Variants in TNN observed in about 807,000 individuals in gnomAD.
The protein encoded by TNN is tenascin N, also known as tenascin-N.
In TNN, 122 loss-of-function variants were observed where a neutral mutation model predicts 134.4. The ratio of observed to expected loss-of-function variants is 0.91; its 90% CI spans 0.78 to 1.06. The LOEUF is 1.06. Among genes scored for constraint, TNN ranks in the 50% least tolerant of loss-of-function variants. The probability of loss-of-function intolerance (pLI) is 0.00; values close to 1 mark genes in which losing one functional copy is unlikely to be tolerated. For synonymous variants in TNN, 710 were observed against 670.3 expected (o/e 1.06, Z -0.91); for missense variants, 1,739 against 1,699.4 (o/e 1.02, Z -0.41).
At chr1:175,121,325 C>T (rs1032909288) in intron 11 of TNN, among the ~76,000 whole-genome samples, 3 of 152,160 alleles carry the variant, frequency 2.0e-5, no homozygotes, top group Admixed American at 1.3e-4. Flanking sequence ...TGATGTCCCC[C>T]AGCTGGAATA....
At chr1:175,125,749 CTT>C (rs1558369435) in intron 12 of TNN, among the ~76,000 whole-genome samples, 15 of 134,206 alleles carry the variant, frequency 1.1e-4, no homozygotes, top group Middle Eastern at 3.8e-3. Context: ...TTCTTTCTTT[CTT>C]TCTTTCTCTC....
Position 175,097,731 on chromosome 1 carries a change from T to A in TNN, c.1855+48T>A, listed in dbSNP as rs1226005386. ...TTGGAATTGAGTTTTAGCTTGTGGA[T>A]TTGAATAGGTATGGTATCAAAGGAT... On this transcript the variant is annotated intron_variant, in intron 8 of 18. Coordinates refer to ENST00000239462, the MANE Select transcript of TNN (RefSeq NM_022093.2). The A allele has an allele frequency of 4.3e-6, 7 of 1,610,864 alleles. No individual in the cohort carries two copies. The East Asian group carries it at 1.6e-4, about 36-fold the overall frequency.
chr1:175,135,478 C>A (rs1675777153), intron 15 of TNN, among the ~76,000 whole-genome samples: 3 of 152,092 alleles, frequency 2.0e-5, no homozygotes, highest in African/African-American at 7.2e-5. Context: ...CATGATGTGC[C>A]CCAATTGAGT....
chr1:175,127,886 G>C, intron 13 of TNN, 146 bp from the exon 14 acceptor site: 1 of 884,914 alleles, frequency 1.1e-6, no homozygotes, highest in Non-Finnish European at 1.8e-6. Context: ...CTGCGATTCT[G>C]GGCTGCCACT....
In TNN at chr1:175,067,862, AC is replaced by A. The variant is rs1299898571; in HGVS notation, c.-107del. The stretch of plus-strand genomic sequence containing the variant: ...CGAGAACCAGGGACGACCAGCAAGT[AC>A]CAAGGTCTGCGGCAGGAGGAGACCG... On this transcript the variant is annotated 5_prime_UTR_variant, in exon 1 of 19. Coordinates refer to ENST00000239462, the MANE Select transcript of TNN (RefSeq NM_022093.2). The A allele has an allele frequency of 2.0e-6, 1 of 501,902 alleles. No homozygotes were observed. Among genetic ancestry groups the A allele is most frequent in the Non-Finnish European group, 4.0e-6 (1 of 251,904 alleles). The allele number at this position is 501,902 out of a possible 1,614,324, so 31.1% of individuals were successfully genotyped here.
rs1675309037 is a variant in TNN at position 175,120,041 on chromosome 1, G to C, written c.2650+1217G>C. Among the ~76,000 whole-genome samples the C allele has an allele frequency of 3.3e-5, 5 of 152,160 alleles. No homozygotes were observed. In the South Asian group the frequency reaches 1.0e-3, roughly 32 times the overall value. ...CCAATATAAAATTCTTAAAACCACTGATTAAAAACCTGTTTTGTGGCAAGC... is the reference window on the plus strand; with the variant it reads ...CCAATATAAAATTCTTAAAACCACTCATTAAAAACCTGTTTTGTGGCAAGC... On this transcript the variant is annotated intron_variant, in intron 11 of 18. Coordinates refer to ENST00000239462, the MANE Select transcript of TNN (RefSeq NM_022093.2).
In TNN at chr1:175,098,471, G is replaced by A. The variant is rs146666035; in HGVS notation, c.1995G>A (p.Pro665=). The A allele has an allele frequency of 1.7e-5, 27 of 1,614,080 alleles. No individual in the cohort carries two copies. Among genetic ancestry groups the A allele is most frequent in the Non-Finnish European group, 2.1e-5 (25 of 1,180,046 alleles). ...TSAGGETREV[P]VGKEQSSTVL... Reference sequence around the variant, plus strand: ...CTGGTGGAGAGACCAGGGAGGTTCCGGTGGGGAAGGAGCAGAGCAGCACAG... The same window carrying A: ...CTGGTGGAGAGACCAGGGAGGTTCCAGTGGGGAAGGAGCAGAGCAGCACAG... Residue 665 remains proline (P), a synonymous_variant, in exon 9 of 19, where the codon CCG becomes CCA. Transcript: ENST00000239462.
chr1:175,147,400 G>C lies in TNN; in HGVS notation c.*329G>C, dbSNP rs41266096. On this transcript the variant is annotated 3_prime_UTR_variant, in exon 19 of 19. Coordinates refer to ENST00000239462, the MANE Select transcript of TNN (RefSeq NM_022093.2). ...AGCACTTCACCAGTTGGAAATCTCT[G>C]GAAATTTACATCTATGTATTTAAAG... The C allele has an allele frequency of 0.021, 4,669 of 224,256 alleles. 70 individuals are homozygous for C. The highest frequency in any genetic ancestry group is 0.038 in the Middle Eastern group (27 of 708). 13.9% of individuals were successfully genotyped at this position (224,256 alleles called of 1,614,324 possible). A position where few individuals can be genotyped will look rare whatever the true frequency, so the allele number is the denominator to read the frequency against.
Position 175,127,105 on chromosome 1 carries a change from T to C in TNN, c.3045+20T>C. ...GTTAAGGTACGGGGATTCCTTGTCT[T>C]TTCTCCTGGTGCCTTCTCTTCTGTG... On this transcript the variant is annotated intron_variant, in intron 13 of 18. Transcript: ENST00000239462. 1.2e-6 allele frequency: 2 copies of C among 1,608,772 alleles called. No homozygotes were observed. Among genetic ancestry groups the C allele is most frequent in the African/African-American group, 1.3e-5 (1 of 74,830 alleles).
chr1:175,113,087 G>GT (rs1350818749), intron 9 of TNN, among the ~76,000 whole-genome samples: 2 of 152,162 alleles, frequency 1.3e-5, no homozygotes, highest in African/African-American at 2.4e-5. Context: ...GATTTGGTAG[G>GT]TTTTTGTAGT....
intron 1 of TNN, among the ~76,000 whole-genome samples, chr1:175,070,306 A>T (rs2149424061): frequency 6.6e-6 from 1 of 152,358 alleles, no homozygotes; most frequent in South Asian, 2.1e-4. Context: ...AGGCAGATTA[A>T]GAGTCAGTTG....
At position 175,093,972 on chromosome 1, in the gene TNN, T is replaced by C. The variant is rs745936744; in HGVS notation, c.1325-18T>C. On this transcript the variant is annotated intron_variant, in intron 6 of 18. Coordinates refer to ENST00000239462, the MANE Select transcript of TNN (RefSeq NM_022093.2). ...AACTGGTTTCTCTGATTTTTCTTTCTCATGTGTTTTTATGAAGAAATTGAC... is the reference window on the plus strand; with the variant it reads ...AACTGGTTTCTCTGATTTTTCTTTCCCATGTGTTTTTATGAAGAAATTGAC... 3.8e-6 allele frequency: 6 copies of C among 1,580,028 alleles called. No homozygotes were observed. In the South Asian group the frequency reaches 5.7e-5, roughly 15 times the overall value.
At chr1:175,116,390 T>C (rs2101834389) in intron 9 of TNN, among the ~76,000 whole-genome samples, 1 of 152,344 alleles carries the variant, frequency 6.6e-6, no homozygotes, top group Non-Finnish European at 1.5e-5. Flanking sequence ...ACAGAGCTAC[T>C]CAGAGTGATA....
At chr1:175,069,858 T>G (rs527402008) in intron 1 of TNN, among the ~76,000 whole-genome samples, 1 of 152,222 alleles carries the variant, frequency 6.6e-6, no homozygotes, top group Middle Eastern at 3.2e-3. Flanking sequence ...AACGCTCTCC[T>G]CCTTGCTAGA....
At chr1:175,074,189 A>G (rs966566169) in intron 1 of TNN, among the ~76,000 whole-genome samples, 3 of 152,040 alleles carry the variant, frequency 2.0e-5, no homozygotes, top group Non-Finnish European at 4.4e-5. Context: ...TGTCTTTGAA[A>G]TGTGTGGGCA....
chr1:175,138,887 C>A (rs1034149319), intron 17 of TNN, among the ~76,000 whole-genome samples: 20 of 152,166 alleles, frequency 1.3e-4, no homozygotes, highest in African/African-American at 4.6e-4. Flanking sequence ...TGCTACTAGG[C>A]TACAAACCTG....
intron 7 of TNN, among the ~76,000 whole-genome samples, chr1:175,096,084 G>C (rs1037622977): frequency 1.3e-5 from 2 of 152,220 alleles, no homozygotes; most frequent in African/African-American, 4.8e-5. Flanking sequence ...AAGTTAAAAA[G>C]ATAAAGGACA....
intron 17 of TNN, among the ~76,000 whole-genome samples, chr1:175,138,827 AATCTAGATGGCAGAGCCTGCTATAG>A (rs1675880309): frequency 6.6e-6 from 1 of 152,204 alleles, no homozygotes; most frequent in African/African-American, 2.4e-5. Context: ...CACTTACACA[AATCTAGATGGCAGAGCCTGCTATAG>A]ACCAAGGTAT....
chr1:175,121,381 G>C (rs1008630393), intron 11 of TNN, among the ~76,000 whole-genome samples: 9 of 152,248 alleles, frequency 5.9e-5, no homozygotes, highest in Non-Finnish European at 5.9e-5. Flanking sequence ...TTTTGCTGGA[G>C]CATAGAGGGT....
Sources: gnomAD v4.1 joint callset for allele counts (sites outside exome capture counted in the v4.1 genomes callset) on GRCh38, gnomAD v4.1.1 for gene constraint, MANE v1.5 for transcripts, NCBI Gene and HGNC (gene_info 2026-07-23, HGNC 2026-07-21) for gene names.